TAFA1: variants seen among roughly 807,000 people sequenced by gnomAD.
TAFA1 encodes the protein TAFA chemokine like family member 1.
A neutral mutation model predicts 18.5 loss-of-function variants in TAFA1; 4 were observed. The observed-to-expected ratio is 0.22, with a 90% CI of 0.11 to 0.49. TAFA1 has a LOEUF of 0.49. TAFA1 is among the 20% of genes least tolerant of loss of function. The pLI, the probability that TAFA1 is intolerant of heterozygous loss-of-function variation, is 0.98. For synonymous variants in TAFA1, 56 were observed against 55.2 expected (o/e 1.01, Z -0.06); for missense variants, 147 against 169.0 (o/e 0.87, Z 0.72).
intron 2 of TAFA1, among the ~76,000 whole-genome samples, chr3:68,378,135 G>A (rs1575817178): frequency 6.6e-6 from 1 of 152,208 alleles, no homozygotes; most frequent in Admixed American, 6.5e-5. Flanking sequence ...CTAGGGAGCT[G>A]TGAGAAGAGG....
chr3:68,070,832 A>G (rs1322008124), intron 2 of TAFA1, among the ~76,000 whole-genome samples: 1 of 152,228 alleles, frequency 6.6e-6, no homozygotes, highest in African/African-American at 2.4e-5. Flanking sequence ...GCTAAAATGT[A>G]CCAAGTATCA....
rs903171684 is a variant in TAFA1 at position 68,067,341 on chromosome 3, T to G, written c.118+60597T>G. Among the ~76,000 whole-genome samples the G allele has an allele frequency of 1.3e-5, 2 of 152,158 alleles. 1 individual carries two copies. The highest frequency in any genetic ancestry group is 4.1e-4 in the South Asian group (2 of 4,838). ...CTTCATCATTTTTTCATTAAATATA[T>G]TCATAGTTTCTCACAAGCTTTTCTG... is the stretch of plus-strand genomic sequence containing the variant. On this transcript the variant is annotated intron_variant, in intron 2 of 4. Transcript: ENST00000478136.
chr3:68,511,173 A>C (rs1052935044), intron 3 of TAFA1, among the ~76,000 whole-genome samples: 2 of 152,172 alleles, frequency 1.3e-5, no homozygotes, highest in Non-Finnish European at 2.9e-5. Context: ...TGCCCATTCA[A>C]GATTACACCC....
intron 3 of TAFA1, among the ~76,000 whole-genome samples, chr3:68,491,940 A>G (rs554997498): frequency 6.6e-6 from 1 of 152,366 alleles, no homozygotes; most frequent in Non-Finnish European, 1.5e-5. Flanking sequence ...CACCAAAGAC[A>G]GAGGAGCTCT....
At chr3:68,416,233 C>G (rs2070835031) in intron 2 of TAFA1, among the ~76,000 whole-genome samples, 1 of 152,162 alleles carries the variant, frequency 6.6e-6, no homozygotes, top group Non-Finnish European at 1.5e-5. Flanking sequence ...TAAGTCTTCT[C>G]TCCTTCCTTT....
At chr3:68,417,192 T>C (rs1355419643) in intron 2 of TAFA1, 88 bp from the exon 3 acceptor site, 1 of 1,063,946 alleles carries the variant, frequency 9.4e-7, no homozygotes, top group Non-Finnish European at 1.4e-6. Flanking sequence ...TCAATTACTT[T>C]CCTCAACCCC....
chr3:68,052,266 A>C (rs1442491638), intron 2 of TAFA1, among the ~76,000 whole-genome samples: 2 of 152,088 alleles, frequency 1.3e-5, no homozygotes, highest in Non-Finnish European at 2.9e-5. Context: ...TTGACAGATG[A>C]ATTTGCTAGA....
At chr3:68,429,120 G>A (rs966732555) in intron 3 of TAFA1, among the ~76,000 whole-genome samples, 1 of 151,926 alleles carries the variant, frequency 6.6e-6, no homozygotes, top group African/African-American at 2.4e-5. Flanking sequence ...CATGGGAGAT[G>A]TTGCCTTTCA....
intron 2 of TAFA1, among the ~76,000 whole-genome samples, chr3:68,088,781 CT>C (rs2064999956): frequency 6.6e-6 from 1 of 152,106 alleles, no homozygotes; most frequent in Admixed American, 6.6e-5. Flanking sequence ...TTTGAATACA[CT>C]GTAGAAAGTC....
chr3:68,020,351 A>G (rs1035401109), intron 2 of TAFA1, among the ~76,000 whole-genome samples: 1 of 152,120 alleles, frequency 6.6e-6, no homozygotes, highest in Non-Finnish European at 1.5e-5. Context: ...CTCTATCATT[A>G]TTACACTTAT....
intron 2 of TAFA1, among the ~76,000 whole-genome samples, chr3:68,046,821 A>C (rs932960578): frequency 1.3e-5 from 2 of 152,144 alleles, no homozygotes; most frequent in Non-Finnish European, 2.9e-5. Flanking sequence ...CTAGCTCTAG[A>C]TCCTGAATGG....
chr3:68,174,771 T>C (rs191118881), intron 2 of TAFA1, among the ~76,000 whole-genome samples: 27 of 152,238 alleles, frequency 1.8e-4, no homozygotes, highest in African/African-American at 6.3e-4. Flanking sequence ...TGAGGAGAAA[T>C]TCAAGCCTGC....
At chr3:68,372,960 C>T (rs2069740507) in intron 2 of TAFA1, among the ~76,000 whole-genome samples, 1 of 152,112 alleles carries the variant, frequency 6.6e-6, no homozygotes, top group Admixed American at 6.5e-5. Context: ...CCTGTTCAGA[C>T]AGGAACATGT....
At chr3:68,072,167 A>T (rs2064763080) in intron 2 of TAFA1, among the ~76,000 whole-genome samples, 1 of 152,138 alleles carries the variant, frequency 6.6e-6, no homozygotes, top group South Asian at 2.1e-4. Flanking sequence ...GGAGGATGTA[A>T]TCCTTGAACT....
chr3:68,374,192 G>T (rs952904179), intron 2 of TAFA1, among the ~76,000 whole-genome samples: 2 of 152,138 alleles, frequency 1.3e-5, no homozygotes, highest in Non-Finnish European at 1.5e-5. Flanking sequence ...TAAGAGACCA[G>T]TCAGATGCGT....
intron 3 of TAFA1, among the ~76,000 whole-genome samples, chr3:68,503,903 A>C (rs1386058050): frequency 6.6e-6 from 1 of 152,138 alleles, no homozygotes; most frequent in Non-Finnish European, 1.5e-5. Context: ...TGATAATTAT[A>C]ATGACAATTA....
At chr3:68,042,032 A>G (rs1005504389) in intron 2 of TAFA1, among the ~76,000 whole-genome samples, 14 of 152,186 alleles carry the variant, frequency 9.2e-5, no homozygotes, top group African/African-American at 3.4e-4. Flanking sequence ...GTTTTAAAAT[A>G]TAAAAAAATC....
chr3:68,522,668 G>A (rs1446951872), intron 3 of TAFA1, among the ~76,000 whole-genome samples: 1 of 152,180 alleles, frequency 6.6e-6, no homozygotes, highest in Non-Finnish European at 1.5e-5. Context: ...GGCCAACATG[G>A]TGAAACCCCG....
chr3:67,999,642 C>G (rs918791535), upstream of TAFA1, among the ~76,000 whole-genome samples: 1 of 152,078 alleles, frequency 6.6e-6, no homozygotes, highest in Admixed American at 6.5e-5. Flanking sequence ...AAATTCAGGA[C>G]AGTTTCCTTT....
Sources: gnomAD v4.1 joint callset for allele counts (sites outside exome capture counted in the v4.1 genomes callset) on GRCh38, gnomAD v4.1.1 for gene constraint, MANE v1.5 for transcripts, NCBI Gene and HGNC (gene_info 2026-07-23, HGNC 2026-07-21) for gene names.